The following SUCLG2 variants were observed in gnomAD, a reference collection of about 807,000 sequenced individuals.
The protein encoded by SUCLG2 is succinate-CoA ligase GDP-forming subunit beta.
SUCLG2 carries 42 observed loss-of-function variants against 47.9 expected under a neutral mutation model. The ratio of observed to expected loss-of-function variants is 0.88; its 90% CI spans 0.69 to 1.14. The LOEUF (loss-of-function observed/expected upper bound fraction) is 1.14. Among genes scored for constraint, SUCLG2 ranks in the 50% most tolerant of loss-of-function variants. The probability of loss-of-function intolerance (pLI) is 0.00; values close to 1 mark genes in which losing one functional copy is unlikely to be tolerated. For synonymous variants in SUCLG2, 195 were observed against 197.3 expected, an observed-to-expected ratio of 0.99 and a Z score of 0.10; for missense variants, 571 against 525.9, an observed-to-expected ratio of 1.09 and a Z score of -0.84.
At position 67,609,335 on chromosome 3, in the gene SUCLG2, T is replaced by C. The variant is rs950999849; in HGVS notation, c.226+120A>G. The C allele has an allele frequency of 6.7e-6, 8 of 1,191,122 alleles. No individual in the cohort carries two copies. The African/African-American group carries it at 1.2e-4, about 18-fold the overall frequency. The allele number at this position is 1,191,122 out of a possible 1,614,324, so 73.8% of individuals were successfully genotyped here. On this transcript the variant is annotated intron_variant, in intron 2 of 10. Transcript: ENST00000307227. ...TTTTTGCTTTTGCAGTTCTAAGCTCTCCCCTGTATCTGTCCCTGTCAGTTT... is the reference window on the plus strand; with the variant it reads ...TTTTTGCTTTTGCAGTTCTAAGCTCCCCCCTGTATCTGTCCCTGTCAGTTT...
intron 9 of SUCLG2, among the ~76,000 whole-genome samples, chr3:67,407,092 T>TA (rs1702829814): frequency 1.3e-5 from 2 of 152,182 alleles, no homozygotes; most frequent in African/African-American, 4.8e-5. Context: ...CACAACTACT[T>TA]ACCCTTGTTG....
At chr3:67,407,100 T>C (rs1157077883) in intron 9 of SUCLG2, among the ~76,000 whole-genome samples, 2 of 152,190 alleles carry the variant, frequency 1.3e-5, no homozygotes, top group African/African-American at 4.8e-5. Context: ...CTTACCCTTG[T>C]TGCAGCATGA....
Position 67,609,549 on chromosome 3 carries a change from C to T in SUCLG2, c.132G>A (p.Gln44=), listed in dbSNP as rs948914541. The T allele has an allele frequency of 6.2e-7, 1 of 1,613,798 alleles. No homozygotes were observed. The highest frequency in any genetic ancestry group is 1.7e-5 in the Admixed American group (1 of 59,980). ...SRRWLNLQEY[Q]SKKLMSDNGV... The stretch of plus-strand genomic sequence containing the variant: ...CGTTGTCAGACATCAGTTTCTTGCT[C>T]TGGTATTCCTGCAGGTTCAGCCATC... The change falls in exon 2 of 11, where the codon CAG becomes CAA. Residue 44 remains glutamine, a synonymous_variant. Transcript: ENST00000307227.
At chr3:67,571,387 G>A (rs1312299866) in intron 2 of SUCLG2, among the ~76,000 whole-genome samples, 1 of 152,162 alleles carries the variant, frequency 6.6e-6, no homozygotes, top group Non-Finnish European at 1.5e-5. Context: ...GCATTAGACT[G>A]TTGACATTTA....
intron 10 of SUCLG2, among the ~76,000 whole-genome samples, chr3:67,392,516 A>G (rs1398799618): frequency 1.3e-5 from 2 of 152,154 alleles, no homozygotes; most frequent in Non-Finnish European, 2.9e-5. Flanking sequence ...TAAATAATCT[A>G]CTATATTTGG....
At chr3:67,488,121 A>AT (rs779932756) in intron 9 of SUCLG2, among the ~76,000 whole-genome samples, 39 of 151,356 alleles carry the variant, frequency 2.6e-4, no homozygotes, top group Non-Finnish European at 4.4e-4. Flanking sequence ...ATATATATAT[A>AT]TTTTTTAAAA....
chr3:67,565,471 A>T (rs1035244426), intron 2 of SUCLG2, among the ~76,000 whole-genome samples: 1 of 152,226 alleles, frequency 6.6e-6, no homozygotes, highest in East Asian at 1.9e-4. Flanking sequence ...CCATACTTTT[A>T]AAAAATTAAA....
chr3:67,636,570 T>A (rs1369466926), intron 1 of SUCLG2, among the ~76,000 whole-genome samples: 1 of 152,130 alleles, frequency 6.6e-6, no homozygotes, highest in Non-Finnish European at 1.5e-5. Flanking sequence ...GCCAGGATGG[T>A]CTCGATCTCC....
intron 1 of SUCLG2, among the ~76,000 whole-genome samples, chr3:67,648,683 A>G (rs1389600252): frequency 6.6e-6 from 1 of 152,220 alleles, no homozygotes. Flanking sequence ...GCCTTGTTAT[A>G]TACTACATGC....
intron 10 of SUCLG2, among the ~76,000 whole-genome samples, chr3:67,366,489 T>TA (rs1701877098): frequency 6.6e-6 from 1 of 152,216 alleles, no homozygotes; most frequent in Admixed American, 6.5e-5. Flanking sequence ...TAATCTCTGT[T>TA]ATCGCTGCAG....
chr3:67,509,844 T>C (rs1705737197), intron 6 of SUCLG2, among the ~76,000 whole-genome samples: 1 of 152,168 alleles, frequency 6.6e-6, no homozygotes, highest in Non-Finnish European at 1.5e-5. Flanking sequence ...CGTTTTCAGT[T>C]CTCCAACTCT....
At chr3:67,495,680 A>T (rs1023361846) in intron 9 of SUCLG2, 118 bp downstream of exon 9, 3 of 1,129,328 alleles carry the variant, frequency 2.7e-6, no homozygotes, top group South Asian at 1.6e-5. Flanking sequence ...TAGAAGTTGC[A>T]TCTGGGGCTG....
intron 10 of SUCLG2, among the ~76,000 whole-genome samples, chr3:67,391,751 T>C (rs563857626): frequency 6.6e-6 from 1 of 152,246 alleles, no homozygotes; most frequent in African/African-American, 2.4e-5. Context: ...TGAATGCAGA[T>C]CCCCAGCAGA....
intron 9 of SUCLG2, among the ~76,000 whole-genome samples, chr3:67,418,026 C>G (rs545156706): frequency 6.6e-6 from 1 of 152,290 alleles, no homozygotes; most frequent in South Asian, 2.1e-4. Flanking sequence ...ATGATCCTGA[C>G]TTCGAGGAGC....
In SUCLG2 at chr3:67,498,219, G is replaced by T. The variant is rs947179975; in HGVS notation, c.834C>A (p.Asp278Glu). The change falls in exon 8 of 11, where the codon GAC becomes GAA. Residue 278 changes from aspartate (D) to glutamate (E), a missense_variant. By Grantham distance (45) the Asp-to-Glu change is conservative. Transcript: ENST00000307227. ...FRQKDIFAMD[D>E]KSENEPIENE... ...TTTCAATGGGCTCATTCTCTGATTT[G>T]TCGTCCATAGCAAATATGTCTTTTT... 3 of 1,613,788 alleles carry T rather than the reference G, an allele frequency of 1.9e-6. No homozygotes were observed. The highest frequency in any genetic ancestry group is 4.5e-5 in the East Asian group (2 of 44,860).
chr3:67,615,623 C>CACAA (rs756237870), intron 1 of SUCLG2, among the ~76,000 whole-genome samples: 4 of 144,604 alleles, frequency 2.8e-5, no homozygotes, highest in Admixed American at 1.4e-4. Flanking sequence ...CAAACACAAA[C>CACAA]ACACACACAC....
intron 9 of SUCLG2, among the ~76,000 whole-genome samples, chr3:67,462,657 A>G (rs1024110238): frequency 5.3e-5 from 8 of 152,212 alleles, no homozygotes; most frequent in African/African-American, 1.4e-4. Context: ...ACCAGTAAGC[A>G]TAAGTTAGTA....
intron 2 of SUCLG2, among the ~76,000 whole-genome samples, chr3:67,586,531 C>A (rs1708023994): frequency 6.6e-6 from 1 of 152,186 alleles, no homozygotes; most frequent in South Asian, 2.1e-4. Context: ...TTAATCTACC[C>A]TTCCCAATTG....
chr3:67,600,933 C>T (rs919943590), intron 2 of SUCLG2, among the ~76,000 whole-genome samples: 1 of 152,202 alleles, frequency 6.6e-6, no homozygotes, highest in Non-Finnish European at 1.5e-5. Flanking sequence ...CACCAGGCTA[C>T]TGAGAATGGG....
Sources: allele counts gnomAD v4.1 joint callset (sites outside exome capture counted in the v4.1 genomes callset), GRCh38; gene constraint gnomAD v4.1.1; transcripts MANE v1.5; gene names NCBI Gene and HGNC (gene_info 2026-07-23, HGNC 2026-07-21).